The following KIRREL1 variants were observed in gnomAD, a reference collection of about 807,000 sequenced individuals.
The protein encoded by KIRREL1 is kin of IRRE-like protein 1.
Under a neutral mutation model 83.3 loss-of-function variants are expected in KIRREL1, and 25 were observed. The observed-to-expected ratio is 0.30, with a 90% CI of 0.22 to 0.42. The LOEUF (loss-of-function observed/expected upper bound fraction) is 0.42, where lower values mean the gene tolerates loss of function less well. Ranked by LOEUF, KIRREL1 falls within the 10% of genes least tolerant of loss-of-function variation. KIRREL1 has a pLI of 1.00. For missense variants in KIRREL1, 812 were observed against 1,032.3 expected (o/e 0.79, Z 2.92); for synonymous variants, 388 against 410.4 (o/e 0.95, Z 0.66).
intron 4 of KIRREL1, among the ~76,000 whole-genome samples, chr1:158,085,580 AC>A (rs1661989857): frequency 2.0e-5 from 3 of 151,978 alleles, no homozygotes; most frequent in Admixed American, 2.0e-4. Flanking sequence ...TTTGTCATCT[AC>A]CCCCATTTTT....
chr1:158,044,870 T>C (rs1308103057), intron 1 of KIRREL1, among the ~76,000 whole-genome samples: 1 of 152,176 alleles, frequency 6.6e-6, no homozygotes, highest in Non-Finnish European at 1.5e-5. Context: ...AATAAGCTAA[T>C]TAATAGGTAA....
intron 1 of KIRREL1, among the ~76,000 whole-genome samples, chr1:158,056,459 C>T (rs563268967): frequency 6.6e-6 from 1 of 152,304 alleles, no homozygotes; most frequent in East Asian, 1.9e-4. Flanking sequence ...GGCCAAAGAG[C>T]CCCCAAAGGC....
chr1:158,097,290 A>G lies in KIRREL1; in HGVS notation c.*2170A>G. The G allele has an allele frequency of 3.1e-6, 1 of 321,058 alleles. No individual in the cohort carries two copies. The highest frequency in any genetic ancestry group is 2.7e-5 in the South Asian group (1 of 36,706). 19.9% of individuals were successfully genotyped at this position (321,058 alleles called of 1,614,324 possible). ...AACCATGGGGGAATCCAAAGACTTG[A>G]AGTCTAAAGATGGTGGCTTTTAAAA... On this transcript the variant is annotated 3_prime_UTR_variant, in exon 15 of 15. Transcript: ENST00000359209.
intron 1 of KIRREL1, among the ~76,000 whole-genome samples, chr1:157,995,589 TG>T (rs1388398812): frequency 1.3e-5 from 2 of 152,160 alleles, no homozygotes; most frequent in African/African-American, 2.4e-5. Flanking sequence ...AGCCCTTACA[TG>T]TCAGCATCAT....
At chr1:158,041,598 C>G (rs1660629403) in intron 1 of KIRREL1, among the ~76,000 whole-genome samples, 1 of 152,200 alleles carries the variant, frequency 6.6e-6, no homozygotes, top group Non-Finnish European at 1.5e-5. Context: ...AGCCTCACTT[C>G]TCCTTATCTT....
At chr1:158,088,726 C>T (rs560604809) in intron 8 of KIRREL1, among the ~76,000 whole-genome samples, 275 of 151,892 alleles carry the variant, frequency 1.8e-3, no homozygotes, top group African/African-American at 6.4e-3. Context: ...CCTCGTGATC[C>T]GCCCGCCTCG....
chr1:158,014,689 G>A (rs1039673926), intron 1 of KIRREL1, among the ~76,000 whole-genome samples: 1 of 148,282 alleles, frequency 6.7e-6, no homozygotes, highest in African/African-American at 2.5e-5. Context: ...ATGGGGGGGG[G>A]GGGGCGGGGG....
intron 1 of KIRREL1, among the ~76,000 whole-genome samples, chr1:158,038,248 T>C (rs545417243): frequency 6.6e-6 from 1 of 152,168 alleles, no homozygotes; most frequent in Non-Finnish European, 1.5e-5. Context: ...GTTTATTGAG[T>C]CTTCCACTCT....
rs1267533023 is a variant in KIRREL1 at position 158,098,817 on chromosome 1, G to A, written c.*3697G>A. ...GTACGCTCTCCCCTTATTCCAGCAG[G>A]GCTACTTTCCTCTTCACTCTGATGA... is the stretch of plus-strand genomic sequence containing the variant. On this transcript the variant is annotated 3_prime_UTR_variant, in exon 15 of 15. Coordinates refer to ENST00000359209, the MANE Select transcript of KIRREL1 (RefSeq NM_018240.7). The A allele has an allele frequency of 1.3e-5, 2 of 152,174 alleles. No homozygotes were observed. The highest frequency in any genetic ancestry group is 4.8e-5 in the African/African-American group (2 of 41,450). 9.4% of individuals were successfully genotyped at this position (152,174 alleles called of 1,614,324 possible).
chr1:158,048,633 C>T (rs538438450), intron 1 of KIRREL1, among the ~76,000 whole-genome samples: 3 of 152,132 alleles, frequency 2.0e-5, no homozygotes, highest in South Asian at 4.2e-4. Flanking sequence ...GAAACACCTA[C>T]GAAGGAAAAG....
intron 1 of KIRREL1, among the ~76,000 whole-genome samples, chr1:158,034,290 A>AG (rs1557997262): frequency 5.9e-5 from 9 of 151,538 alleles, no homozygotes; most frequent in Admixed American, 5.2e-4. Flanking sequence ...AAAAAAAGAA[A>AG]AAAAGAAAAT....
At chr1:158,021,427 A>G (rs1049384425) in intron 1 of KIRREL1, among the ~76,000 whole-genome samples, 6 of 152,190 alleles carry the variant, frequency 3.9e-5, no homozygotes, top group African/African-American at 1.4e-4. Context: ...CATTACCCTC[A>G]TCTTAGTTTC....
At chr1:158,093,200 C>A in intron 11 of KIRREL1, 139 bp from the exon 12 acceptor site, 2 of 715,100 alleles carry the variant, frequency 2.8e-6, no homozygotes, top group Non-Finnish European at 2.5e-6. Flanking sequence ...TAACACTGTC[C>A]CCAGGCTCAG....
intron 1 of KIRREL1, among the ~76,000 whole-genome samples, chr1:158,035,098 C>G (rs1211494647): frequency 6.6e-6 from 1 of 152,170 alleles, no homozygotes; most frequent in Non-Finnish European, 1.5e-5. Flanking sequence ...ATCTTGGAAT[C>G]TGGGAATTGA....
chr1:157,999,992 G>A (rs543768620), intron 1 of KIRREL1, among the ~76,000 whole-genome samples: 2 of 151,756 alleles, frequency 1.3e-5, no homozygotes, highest in South Asian at 4.2e-4. Context: ...ATCCAAAGAA[G>A]TTAAGCAGAT....
At chr1:158,077,600 A>T (rs1053702797) in intron 2 of KIRREL1, among the ~76,000 whole-genome samples, 1 of 152,096 alleles carries the variant, frequency 6.6e-6, no homozygotes, top group Non-Finnish European at 1.5e-5. Context: ...TGCTCCCATG[A>T]GCTCATGTCT....
chr1:158,050,532 C>T (rs1660883659), intron 1 of KIRREL1, among the ~76,000 whole-genome samples: 1 of 152,078 alleles, frequency 6.6e-6, no homozygotes, highest in South Asian at 2.1e-4. Context: ...CCTTGCAGAA[C>T]TGTGGGATGG....
chr1:158,071,216 A>G (rs1661505479), intron 1 of KIRREL1, among the ~76,000 whole-genome samples: 1 of 151,682 alleles, frequency 6.6e-6, no homozygotes, highest in Non-Finnish European at 1.5e-5. Context: ...GCTCTTTCCT[A>G]CAGAGCTCGC....
At chr1:158,007,080 C>G (rs560111016) in intron 1 of KIRREL1, among the ~76,000 whole-genome samples, 2 of 152,082 alleles carry the variant, frequency 1.3e-5, no homozygotes, top group Non-Finnish European at 2.9e-5. Flanking sequence ...GATACTGAAC[C>G]GTATAAGTGC....
Sources: allele counts gnomAD v4.1 joint callset (sites outside exome capture counted in the v4.1 genomes callset), GRCh38; gene constraint gnomAD v4.1.1; transcripts MANE v1.5; gene names NCBI Gene and HGNC (gene_info 2026-07-23, HGNC 2026-07-21).